Variants in PRTN3 observed in about 807,000 individuals in gnomAD.
The protein encoded by PRTN3 is myeloblastin.
In PRTN3, 22 loss-of-function variants were observed where a neutral mutation model predicts 20.7. The ratio of observed to expected loss-of-function variants is 1.06; its 90% CI spans 0.76 to 1.52. The LOEUF is 1.52. PRTN3 is among the 40% of genes most tolerant of loss of function. PRTN3 has a pLI of 0.00. For synonymous variants in PRTN3, 173 were observed against 152.9 expected, an observed-to-expected ratio of 1.13 and a Z score of -0.97; for missense variants, 378 against 359.6, an observed-to-expected ratio of 1.05 and a Z score of -0.41.
chr19:843,191 C>G, intron 1 of PRTN3: 1 of 478,324 alleles, frequency 2.1e-6, no homozygotes, highest in South Asian at 3.3e-5. Context: ...GTTGGGATTA[C>G]AGGCGTGAGC....
intron 1 of PRTN3, 92 bp from the exon 2 acceptor site, chr19:843,369 A>ACGGAGGCT: frequency 7.4e-7 from 1 of 1,348,080 alleles, no homozygotes; most frequent in East Asian, 2.8e-5. Flanking sequence ...AGATCGGGAG[A>ACGGAGGCT]CGGAGGCTCG....
chr19:845,614 T>C lies in PRTN3; in HGVS notation c.370-533T>C, dbSNP rs1466293301. On this transcript the variant is annotated intron_variant, in intron 3 of 4. Coordinates refer to ENST00000234347, the MANE Select transcript of PRTN3 (RefSeq NM_002777.4). ...CTGTAGTCCCAGCTACTTGGGAGGCTGAGGCAGCAGAATTGCTTGAACCCA... is the reference window on the plus strand; with the variant it reads ...CTGTAGTCCCAGCTACTTGGGAGGCCGAGGCAGCAGAATTGCTTGAACCCA... Among the ~76,000 whole-genome samples, 5 of 150,962 alleles carry C rather than the reference T, an allele frequency of 3.3e-5. No individual in the cohort carries two copies. In the Admixed American group the frequency reaches 3.3e-4, roughly 10 times the overall value.
Position 847,891 on chromosome 19 carries a change from C to A in PRTN3, c.693C>A (p.Asp231Glu). The change falls in exon 5 of 5, where the codon GAC (aspartate) becomes GAA (glutamate). Residue 231 changes from aspartate to glutamate, a missense_variant. Physicochemically the swap from Asp to Glu is conservative, Grantham distance 45. Transcript: ENST00000234347. ...GATGTGCCACCCGCCTTTTCCCTGA[C>A]TTCTTCACGCGGGTAGCCCTCTACG... Reference protein sequence around the residue: ...IWGCATRLFPDFFTRVALYVD... With the variant: ...IWGCATRLFPEFFTRVALYVD... 6.2e-7 allele frequency: 1 copy of A among 1,608,636 alleles called. No homozygotes were observed. Among genetic ancestry groups the A allele is most frequent in the Non-Finnish European group, 8.5e-7 (1 of 1,177,400 alleles).
chr19:844,116 G>T, intron 3 of PRTN3, 82 bp downstream of exon 3: 1 of 1,492,894 alleles, frequency 6.7e-7, no homozygotes, highest in South Asian at 1.3e-5. Context: ...AGCATTCATT[G>T]AGCACCCACT....
chr19:847,540 AAAG>A (rs1039095418), intron 4 of PRTN3, among the ~76,000 whole-genome samples: 7 of 134,338 alleles, frequency 5.2e-5, no homozygotes, highest in African/African-American at 2.1e-4. Flanking sequence ...AGAAAGAAAG[AAAG>A]AAAGAAAAAG....
chr19:843,411 C>T (rs775197271), intron 1 of PRTN3, 50 bp from the exon 2 acceptor site: 1 of 1,494,124 alleles, frequency 6.7e-7, no homozygotes, highest in South Asian at 1.3e-5. Flanking sequence ...GCCATCCCCC[C>T]TTTCCCTGCA....
At chr19:846,056 T>G in intron 3 of PRTN3, 91 bp from the exon 4 acceptor site, 1 of 886,588 alleles carries the variant, frequency 1.1e-6, no homozygotes, top group Non-Finnish European at 1.6e-6. Flanking sequence ...CGTTTTGAGG[T>G]GGTGGGTGTG....
intron 3 of PRTN3, among the ~76,000 whole-genome samples, chr19:844,342 T>C (rs1599283351): frequency 1.1e-5 from 1 of 87,232 alleles, no homozygotes; most frequent in Non-Finnish European, 2.2e-5. Context: ...TGCCCGCCCC[T>C]CTCCCCTGCC....
intron 3 of PRTN3, among the ~76,000 whole-genome samples, chr19:844,500 C>A (rs1323012273): frequency 2.0e-5 from 2 of 100,924 alleles, no homozygotes; most frequent in Admixed American, 2.1e-4. Context: ...CTCTCCCCTG[C>A]GCGCCTCTCC....
At chr19:844,144 C>T in intron 3 of PRTN3, 110 bp downstream of exon 3, 3 of 1,386,532 alleles carry the variant, frequency 2.2e-6, no homozygotes, top group Non-Finnish European at 2.9e-6. Flanking sequence ...GGGCCACGAC[C>T]GAGGCCGCTG....
intron 4 of PRTN3, among the ~76,000 whole-genome samples, chr19:847,529 A>G (rs1177014724): frequency 7.1e-6 from 1 of 141,782 alleles, no homozygotes; most frequent in Non-Finnish European, 1.5e-5. Flanking sequence ...AAAAGAGAGA[A>G]AGAAAGAAAG....
chr19:847,632 G>A (rs2035536591), intron 4 of PRTN3, among the ~76,000 whole-genome samples, 167 bp from the exon 5 acceptor site: 1 of 152,132 alleles, frequency 6.6e-6, no homozygotes, highest in Non-Finnish European at 1.5e-5. Flanking sequence ...TGAAACAGCT[G>A]TGGCTACCCC....
chr19:843,330 C>T (rs576548645), intron 1 of PRTN3, 131 bp from the exon 2 acceptor site: 938 of 1,020,508 alleles, frequency 9.2e-4, no homozygotes, highest in Admixed American at 2.0e-3. Context: ...GAGTCCTTCC[C>T]ACCAGCCAGC....
intron 3 of PRTN3, 57 bp from the exon 4 acceptor site, chr19:846,090 C>G: frequency 7.5e-7 from 1 of 1,326,686 alleles, no homozygotes; most frequent in South Asian, 1.7e-5. Context: ...GAGGGCGGCC[C>G]GGGCGGCCAC....
chr19:841,168 T>C (rs1244177787), intron 1 of PRTN3, 99 bp downstream of exon 1: 1 of 1,451,094 alleles, frequency 6.9e-7, no homozygotes, highest in Non-Finnish European at 9.3e-7. Flanking sequence ...CTGGCACAGC[T>C]GGGGAAACTG....
chr19:843,467 C>T lies in PRTN3; in HGVS notation c.68C>T (p.Ala23Val), dbSNP rs764412307. 15 of 1,565,002 alleles carry T rather than the reference C, an allele frequency of 9.6e-6. No homozygotes were observed. In the South Asian group the frequency reaches 1.6e-4, roughly 17 times the overall value. The stretch of plus-strand genomic sequence containing the variant: ...CTGGACTCCCCCCCTGCAGGTGCTG[C>T]CCGAGCTGCGGAGATCGTGGGCGGG... The part of the protein sequence containing the change: ...VLLALLLSGA[A>V]RAAEIVGGHE... Residue 23 changes from alanine to valine, a missense_variant, in exon 2 of 5, where the codon GCC (alanine) becomes GTC (valine). By Grantham distance (64) the Ala-to-Val change is moderately conservative (BLOSUM62 0). Coordinates refer to ENST00000234347, the MANE Select transcript of PRTN3 (RefSeq NM_002777.4).
At chr19:843,768 G>C in intron 2 of PRTN3, 125 bp from the exon 3 acceptor site, 1 of 1,455,136 alleles carries the variant, frequency 6.9e-7, no homozygotes, top group Non-Finnish European at 9.0e-7. Flanking sequence ...GGCAGTTCTG[G>C]GGGGAGGCCC....
intron 3 of PRTN3, 52 bp from the exon 4 acceptor site, chr19:846,095 G>GGCC: frequency 7.4e-7 from 1 of 1,349,848 alleles, no homozygotes; most frequent in Non-Finnish European, 9.7e-7. Context: ...CGGCCCGGGC[G>GGCC]GCCACCGTGA....
rs1455682427 is a variant in PRTN3, at chr19:846,335, C to T, written c.558C>T (p.Asn186=). Residue 186 remains asparagine, a synonymous_variant, in exon 4 of 5, where the codon AAC becomes AAT. Coordinates refer to ENST00000234347, the MANE Select transcript of PRTN3 (RefSeq NM_002777.4). ...TVVTFFCRPH[N]ICTFVPRRKA... ...TCACCTTCTTCTGCCGGCCACATAA[C>T]ATTTGCACTTTCGTCCCTCGCCGCA... 1.0e-5 allele frequency: 16 copies of T among 1,586,548 alleles called. No individual in the cohort carries two copies. The highest frequency in any genetic ancestry group is 1.4e-5 in the African/African-American group (1 of 74,014).
Sources: gnomAD v4.1 joint callset for allele counts (sites outside exome capture counted in the v4.1 genomes callset) on GRCh38, gnomAD v4.1.1 for gene constraint, MANE v1.5 for transcripts, NCBI Gene and HGNC (gene_info 2026-07-23, HGNC 2026-07-21) for gene names.